NTM: variants seen among roughly 807,000 people sequenced by gnomAD.
NTM encodes the protein IgLON family member 2.
A neutral mutation model predicts 42.1 loss-of-function variants in NTM; 13 were observed. The observed-to-expected ratio is 0.31, with a 90% CI of 0.20 to 0.49. The LOEUF (loss-of-function observed/expected upper bound fraction) is 0.49. Among genes scored for constraint, NTM ranks in the 20% least tolerant of loss-of-function variants. The pLI is 0.99. For missense variants in NTM, 373 were observed against 452.8 expected, an observed-to-expected ratio of 0.82 and a Z score of 1.60; for synonymous variants, 187 against 179.2, an observed-to-expected ratio of 1.04 and a Z score of -0.35.
At chr11:131,464,058 T>C (rs983882814) in intron 1 of NTM, among the ~76,000 whole-genome samples, 1 of 152,222 alleles carries the variant, frequency 6.6e-6, no homozygotes, top group African/African-American at 2.4e-5. Flanking sequence ...GTCTCCCACT[T>C]GAGGACCGCG....
chr11:132,172,302 A>G (rs572368747), intron 3 of NTM, among the ~76,000 whole-genome samples: 71 of 152,336 alleles, frequency 4.7e-4, no homozygotes, highest in African/African-American at 1.7e-3. Flanking sequence ...TAATGTCCAC[A>G]TAGTCAAAAC....
chr11:131,506,821 C>G (rs995901169), intron 1 of NTM, among the ~76,000 whole-genome samples: 3 of 152,308 alleles, frequency 2.0e-5, no homozygotes, highest in Admixed American at 2.0e-4. Flanking sequence ...GGATATCTAC[C>G]AAAAGCAGGT....
At chr11:132,311,191 C>G (rs982845607) in intron 6 of NTM, among the ~76,000 whole-genome samples, 1 of 152,184 alleles carries the variant, frequency 6.6e-6, no homozygotes, top group Non-Finnish European at 1.5e-5. Context: ...CTTCAGCCAG[C>G]CTTGGCTTTG....
intron 1 of NTM, among the ~76,000 whole-genome samples, chr11:131,517,674 A>C (rs1253168643): frequency 6.6e-6 from 1 of 152,158 alleles, no homozygotes; most frequent in Non-Finnish European, 1.5e-5. Flanking sequence ...GCTCTGGCTC[A>C]GGCAGAATAG....
chr11:131,894,768 T>A (rs761360224), intron 1 of NTM, among the ~76,000 whole-genome samples: 4 of 152,222 alleles, frequency 2.6e-5, no homozygotes, highest in Non-Finnish European at 4.4e-5. Flanking sequence ...TCTTTCCTGA[T>A]GCATTTTTCA....
rs1455367897 is a variant in NTM at position 131,989,752 on chromosome 11, T to A, written c.167+78104T>A. Reference sequence around the variant, plus strand: ...ACACACACACACACACATGAACACATACACATACACTTACTTACTGGACCA... The same window carrying A: ...ACACACACACACACACATGAACACAAACACATACACTTACTTACTGGACCA... On this transcript the variant is annotated intron_variant, in intron 2 of 8. Coordinates refer to ENST00000683400, the MANE Select transcript of NTM (RefSeq NM_001352005.2). Among the ~76,000 whole-genome samples the A allele has an allele frequency of 6.1e-5, 9 of 146,604 alleles. No individual in the cohort carries two copies. The Admixed American group carries it at 6.2e-4, about 10-fold the overall frequency.
At chr11:131,594,482 G>C (rs2059645250) in intron 1 of NTM, among the ~76,000 whole-genome samples, 1 of 151,676 alleles carries the variant, frequency 6.6e-6, no homozygotes, top group African/African-American at 2.4e-5. Flanking sequence ...TGCAACCTCC[G>C]CCTCCCAAGC....
rs199821939 is a variant in NTM, at chr11:131,598,683, TTTTCTTTCTTTCTTTCTTTCTTTCTTTC to T, written c.82+227842_82+227869del. Among the ~76,000 whole-genome samples the T allele has an allele frequency of 1.3e-4, 10 of 74,874 alleles. 2 individuals carry two copies. In the East Asian group the frequency reaches 1.4e-3, roughly 10 times the overall value. 49.1% of individuals were successfully genotyped at this position (74,874 alleles called of 152,430 possible). A position where few individuals can be genotyped will look rare whatever the true frequency, so the allele number is the denominator to read the frequency against. ...AGAACTACTACTCTCTTCTCATTTG[TTTTCTTTCTTTCTTTCTTTCTTTCTTTC>T]TTTCTTTCTTTCTTTCTTTCTTTCT... On this transcript the variant is annotated intron_variant, in intron 1 of 8. Coordinates refer to ENST00000683400, the MANE Select transcript of NTM (RefSeq NM_001352005.2).
intron 1 of NTM, among the ~76,000 whole-genome samples, chr11:131,547,494 A>G (rs1245186254): frequency 6.6e-6 from 1 of 152,150 alleles, no homozygotes; most frequent in Non-Finnish European, 1.5e-5. Flanking sequence ...CGTGGGTGAC[A>G]GTGGGATGGC....
chr11:132,219,371 A>G (rs1322334820), intron 4 of NTM, among the ~76,000 whole-genome samples: 1 of 152,004 alleles, frequency 6.6e-6, no homozygotes, highest in African/African-American at 2.4e-5. Context: ...AACCACCCTA[A>G]TGCTGTTTTG....
At chr11:132,177,180 C>G (rs976291642) in intron 3 of NTM, among the ~76,000 whole-genome samples, 1 of 152,180 alleles carries the variant, frequency 6.6e-6, no homozygotes, top group Non-Finnish European at 1.5e-5. Flanking sequence ...TGACATTTTG[C>G]TGCCAAAAAG....
At chr11:131,612,763 C>T (rs2061564011) in intron 1 of NTM, among the ~76,000 whole-genome samples, 1 of 152,212 alleles carries the variant, frequency 6.6e-6, no homozygotes, top group Non-Finnish European at 1.5e-5. Context: ...CCAGCCACAC[C>T]AGTTGGCAGA....
At chr11:132,113,704 G>T (rs1184924723) in intron 2 of NTM, among the ~76,000 whole-genome samples, 1 of 152,192 alleles carries the variant, frequency 6.6e-6, no homozygotes, top group Non-Finnish European at 1.5e-5. Context: ...ATCTGGAAAT[G>T]ATTGAGAGGC....
At chr11:131,565,971 G>T (rs1400684327) in intron 1 of NTM, among the ~76,000 whole-genome samples, 1 of 152,124 alleles carries the variant, frequency 6.6e-6, no homozygotes, top group East Asian at 1.9e-4. Context: ...GAAAACACTG[G>T]GTTTTAGAAA....
rs61493262 is a variant in NTM at position 131,925,383 on chromosome 11, C to CTTT, written c.167+13754_167+13756dup. Among the ~76,000 whole-genome samples the CTTT allele has an allele frequency of 9.3e-4, 104 of 111,432 alleles. 1 individual carries two copies. Among genetic ancestry groups the CTTT allele is most frequent in the African/African-American group, 3.1e-3 (86 of 28,170 alleles). The allele number at this position is 111,432 out of a possible 152,430, so 73.1% of individuals were successfully genotyped here. A position where few individuals can be genotyped will look rare whatever the true frequency, so the allele number is the denominator to read the frequency against. On this transcript the variant is annotated intron_variant, in intron 2 of 8. Transcript: ENST00000683400. The stretch of plus-strand genomic sequence containing the variant: ...TTCCTTTTTTTTTTCTTTCTTTTCT[C>CTTT]TTTTTTTTTTTTTTTTTTTTTAACA...
intron 2 of NTM, among the ~76,000 whole-genome samples, chr11:132,032,585 G>T (rs2135677156): frequency 6.6e-6 from 1 of 152,272 alleles, no homozygotes; most frequent in African/African-American, 2.4e-5. Context: ...CTGTGTCTTA[G>T]TGACTAGGAC....
chr11:132,173,988 G>T (rs1048567096), intron 3 of NTM, among the ~76,000 whole-genome samples: 1 of 152,146 alleles, frequency 6.6e-6, no homozygotes, highest in Non-Finnish European at 1.5e-5. Context: ...AAATGAGTGT[G>T]TCCTACTCTC....
In NTM at chr11:132,214,754, C is replaced by T. The variant is rs147494623; in HGVS notation, c.526+2607C>T. Among the ~76,000 whole-genome samples the T allele has an allele frequency of 7.0e-4, 106 of 152,270 alleles. 1 individual carries two copies. In the East Asian group the frequency reaches 0.019, roughly 28 times the overall value. ...TTCCCAAGGGAACTTTTGCCTGAGCCTGGGCCAGGTGTCCCATTTTACTGA... is the reference window on the plus strand; with the variant it reads ...TTCCCAAGGGAACTTTTGCCTGAGCTTGGGCCAGGTGTCCCATTTTACTGA... On this transcript the variant is annotated intron_variant, in intron 4 of 8. Transcript: ENST00000683400.
chr11:131,562,035 A>G (rs1271662226), intron 1 of NTM, among the ~76,000 whole-genome samples: 2 of 151,998 alleles, frequency 1.3e-5, no homozygotes, highest in African/African-American at 4.8e-5. Flanking sequence ...ACTATTTTTT[A>G]TTTTTTAGGA....
Sources: allele counts gnomAD v4.1 joint callset (sites outside exome capture counted in the v4.1 genomes callset), GRCh38; gene constraint gnomAD v4.1.1; transcripts MANE v1.5; gene names NCBI Gene and HGNC (gene_info 2026-07-23, HGNC 2026-07-21).